Variants in KIF1A observed in about 807,000 individuals in gnomAD.
KIF1A encodes the protein kinesin-like protein KIF1A.
Under a neutral mutation model 227.3 loss-of-function variants are expected in KIF1A, and 46 were observed. The observed-to-expected ratio is 0.20, with a 90% CI of 0.16 to 0.26. KIF1A has a LOEUF of 0.26. Among genes scored for constraint, KIF1A ranks in the 10% least tolerant of loss-of-function variants. The pLI, the probability that KIF1A is intolerant of heterozygous loss-of-function variation, is 1.00. For synonymous variants in KIF1A, 1,022 were observed against 1,012.8 expected (o/e 1.01, Z -0.17); for missense variants, 1,683 against 2,485.9 (o/e 0.68, Z 6.87).
chr2:240,772,464 G>C (rs1022331976), intron 14 of KIF1A, 106 bp downstream of exon 14: 3 of 931,362 alleles, frequency 3.2e-6, no homozygotes, highest in African/African-American at 3.3e-5. Flanking sequence ...GAAGAAAGCA[G>C]AGCAGGTACC....
chr2:240,763,658 C>T (rs2050803846), intron 20 of KIF1A, among the ~76,000 whole-genome samples: 1 of 152,218 alleles, frequency 6.6e-6, no homozygotes, highest in South Asian at 2.1e-4. Flanking sequence ...CCCCCAAGCC[C>T]CTGTGCACAC....
intron 10 of KIF1A, among the ~76,000 whole-genome samples, chr2:240,776,667 C>T (rs1295676889): frequency 6.6e-6 from 1 of 152,268 alleles, no homozygotes; most frequent in Non-Finnish European, 1.5e-5. Flanking sequence ...CTTCCAATGT[C>T]TACTGGTTCA....
In KIF1A at chr2:240,736,665, C is replaced by T. The variant is rs2047358942; in HGVS notation, c.4007+398G>A. On this transcript the variant is annotated intron_variant, in intron 38 of 48. Coordinates refer to ENST00000498729, the MANE Select transcript of KIF1A (RefSeq NM_001244008.2). The surrounding 1 kb of genome is among the most constrained non-coding windows in gnomAD (Gnocchi z 4.7). ...TGCCTATGGGCGCCCACCCCAGCTG[C>T]TCCACCTCTAGCCCCAGGATGCCTG... Among the ~76,000 whole-genome samples, 1 of 152,236 alleles carries T rather than the reference C, an allele frequency of 6.6e-6. No individual in the cohort carries two copies. The highest frequency in any genetic ancestry group is 2.1e-4 in the South Asian group (1 of 4,832).
chr2:240,777,083 C>T (rs2052843545), intron 10 of KIF1A, among the ~76,000 whole-genome samples: 2 of 152,180 alleles, frequency 1.3e-5, no homozygotes, highest in African/African-American at 4.8e-5. Flanking sequence ...CTCCCTCTGT[C>T]ACCAGGCTGG....
chr2:240,777,051 T>G (rs1232047527), intron 10 of KIF1A, among the ~76,000 whole-genome samples: 1 of 152,160 alleles, frequency 6.6e-6, no homozygotes, highest in Non-Finnish European at 1.5e-5. Flanking sequence ...TTTGTTTTTG[T>G]TTTTGTTTTT....
chr2:240,782,164 C>T (rs2054127519), intron 10 of KIF1A: 1 of 985,270 alleles, frequency 1.0e-6, no homozygotes, highest in African/African-American at 1.7e-5. Flanking sequence ...TCCGACTCCA[C>T]ACGCGCCCGC....
Position 240,725,356 on chromosome 2 carries a change from C to A in KIF1A, c.4171G>T (p.Val1391Phe). 1.2e-6 allele frequency: 2 copies of A among 1,612,240 alleles called. No homozygotes were observed. Among genetic ancestry groups the A allele is most frequent in the East Asian group, 4.5e-5 (2 of 44,864 alleles). The change falls in exon 40 of 49, where the codon GTC becomes TTC. Residue 1391 changes from valine to phenylalanine, a missense_variant. Physicochemically the swap from Val to Phe is conservative, Grantham distance 50 (BLOSUM62 -1). Around this residue, in one of 12 missense-constraint regions of KIF1A, gnomAD observed 759 missense variants for 1,020.2 expected, o/e 0.74. Transcript: ENST00000498729. The surrounding 1 kb of genome is among the most constrained non-coding windows in gnomAD (Gnocchi z 5.8). ...AGCTTGGCATCACGGGAATAGAAGA[C>A]CATGCAGAAGTCCTTGGTGACAACA... ...PAVVTKDFCM[V>F]FYSRDAKLPA... is the part of the protein sequence containing the mutation.
Position 240,719,106 on chromosome 2 carries a change from G to A in KIF1A, c.5114C>T (p.Ala1705Val). The change falls in exon 47 of 49, where the codon GCC becomes GTC. Residue 1705 changes from alanine to valine, a missense_variant. By Grantham distance (64) the Ala-to-Val change is moderately conservative. Around this residue, in one of 12 missense-constraint regions of KIF1A, gnomAD observed 384 missense variants for 410.1 expected, o/e 0.94. Transcript: ENST00000498729. ...GTCCTTGTCGCTGTTGTACATGTAG[G>A]CATAGGGGCGCCGCACCACCACGAA... ...RRFVVVRRPY[A>V]YMYNSDKDTV... 2 of 1,612,600 alleles carry A rather than the reference G, an allele frequency of 1.2e-6. No individual in the cohort carries two copies. Among genetic ancestry groups the A allele is most frequent in the Non-Finnish European group, 8.5e-7 (1 of 1,179,732 alleles).
At chr2:240,807,151 T>TATATATATATATATATAC (rs1421176467) in intron 1 of KIF1A, among the ~76,000 whole-genome samples, 1 of 136,150 alleles carries the variant, frequency 7.3e-6, no homozygotes, top group East Asian at 2.2e-4. Flanking sequence ...TATATATATA[T>TATATATATATATATATAC]ACACAGAGAG....
chr2:240,817,952 C>A (rs752295239), intron 1 of KIF1A, among the ~76,000 whole-genome samples: 3 of 152,248 alleles, frequency 2.0e-5, no homozygotes, highest in Non-Finnish European at 4.4e-5. Flanking sequence ...AGCATCATCC[C>A]TGGGCTTTGG....
chr2:240,719,127 A>G lies in KIF1A; in HGVS notation c.5093T>C (p.Val1698Ala). The change falls in exon 47 of 49, where the codon GTG (valine) becomes GCG (alanine). Residue 1698 changes from valine (V) to alanine (A), a missense_variant. Physicochemically the swap from Val to Ala is moderately conservative, Grantham distance 64. Coordinates refer to ENST00000498729, the MANE Select transcript of KIF1A (RefSeq NM_001244008.2). ...PHTSGWARRF[V>A]VVRRPYAYMY... ...GTAGGCATAGGGGCGCCGCACCACC[A>G]CGAAGCGCCTGGCCCAGCCTGACGT... 6.2e-7 allele frequency: 1 copy of G among 1,612,438 alleles called. No individual in the cohort carries two copies.
chr2:240,814,243 C>T (rs2058162059), intron 1 of KIF1A, among the ~76,000 whole-genome samples: 1 of 152,042 alleles, frequency 6.6e-6, no homozygotes, highest in East Asian at 1.9e-4. Context: ...CACCCGTCGA[C>T]ATGAAGTTAG....
chr2:240,724,408 C>T (rs2045751216), intron 40 of KIF1A: 1 of 327,802 alleles, frequency 3.1e-6, no homozygotes, highest in East Asian at 8.6e-5. Context: ...CACAGAGCAG[C>T]CCCACTGTGC....
At chr2:240,724,096 C>T (rs1441351142) in intron 40 of KIF1A, 60 bp from the exon 41 acceptor site, 2 of 1,468,128 alleles carry the variant, frequency 1.4e-6, no homozygotes, top group East Asian at 2.3e-5. Context: ...GACACACAGC[C>T]AGCCTGGCTG....
intron 11 of KIF1A, among the ~76,000 whole-genome samples, chr2:240,774,574 G>A (rs1035441878): frequency 6.6e-6 from 1 of 151,912 alleles, no homozygotes; most frequent in South Asian, 2.1e-4. Flanking sequence ...GGAAAGTTGT[G>A]GAGGGTTTTA....
rs2125754433 is a variant in KIF1A at position 240,741,331 on chromosome 2, G to C, written c.3687C>G (p.Pro1229=). The C allele has an allele frequency of 6.3e-7, 1 of 1,598,554 alleles. No homozygotes were observed. The highest frequency in any genetic ancestry group is 8.5e-7 in the Non-Finnish European group (1 of 1,175,642). Residue 1229 remains proline (P), a synonymous_variant, in exon 35 of 49, where the codon CCC becomes CCG. Coordinates refer to ENST00000498729, the MANE Select transcript of KIF1A (RefSeq NM_001244008.2). The part of the protein sequence containing the change: ...LSTLTRPCPG[P]CHCKYDLLVY... ...CCAGCAGGTCGTACTTGCAGTGGCA[G>C]GGTCCCGGACAGGGCCGCGTCAGTG...
At position 240,738,324 on chromosome 2, in the gene KIF1A, C is replaced by T. The variant is rs114954029; in HGVS notation, c.3902-1156G>A. 8.1e-3 allele frequency among the ~76,000 whole-genome samples: 1,231 copies of T among 152,306 alleles called. 6 individuals carry two copies. Among genetic ancestry groups the T allele is most frequent in the Non-Finnish European group, 0.013 (852 of 68,030 alleles). On this transcript the variant is annotated intron_variant, in intron 37 of 48. Coordinates refer to ENST00000498729, the MANE Select transcript of KIF1A (RefSeq NM_001244008.2). ...CTGTTGTCTGCACTTTGACTCCCTC[C>T]CCTGCCTCAAAGGGTGCACCCACCC...
chr2:240,723,865 G>T (rs1168984247), intron 41 of KIF1A, 110 bp downstream of exon 41: 1 of 957,830 alleles, frequency 1.0e-6, no homozygotes, highest in Non-Finnish European at 1.7e-6. Flanking sequence ...TGAGTGCTTG[G>T]GTTCTGTGAG....
intron 15 of KIF1A, 26 bp from the exon 16 acceptor site, chr2:240,769,732 AGCT>A: frequency 6.3e-7 from 1 of 1,594,600 alleles, no homozygotes; most frequent in Non-Finnish European, 8.6e-7. Flanking sequence ...GAGCACAGTG[AGCT>A]GCCGGGGCTA....
Sources: gnomAD v4.1 joint callset for allele counts (sites outside exome capture counted in the v4.1 genomes callset) on GRCh38, gnomAD v4.1.1 for gene constraint, gnomAD v4.1.1 regional missense constraint, Gnocchi (gnomAD v3.1) non-coding constraint, MANE v1.5 for transcripts, NCBI Gene and HGNC (gene_info 2026-07-23, HGNC 2026-07-21) for gene names.